MAD1L1: variants seen among roughly 807,000 people sequenced by gnomAD.
MAD1L1 encodes the protein mitotic spindle assembly checkpoint protein MAD1.
MAD1L1 carries 95 observed loss-of-function variants against 96.9 expected under a neutral mutation model. The ratio of observed to expected loss-of-function variants is 0.98; its 90% CI spans 0.83 to 1.16. MAD1L1 has a LOEUF of 1.16. Ranked by LOEUF, MAD1L1 falls within the 50% of genes most tolerant of loss-of-function variation. MAD1L1 has a pLI of 0.00. For missense variants in MAD1L1, 1,007 were observed against 954.4 expected, an observed-to-expected ratio of 1.06 and a Z score of -0.73; for synonymous variants, 473 against 396.6, an observed-to-expected ratio of 1.19 and a Z score of -2.29.
chr7:2,084,801 C>T (rs1421337767), intron 11 of MAD1L1, among the ~76,000 whole-genome samples: 2 of 152,166 alleles, frequency 1.3e-5, no homozygotes, highest in South Asian at 2.1e-4. Context: ...AGGAAGGAGC[C>T]GTGACAAATA....
intron 11 of MAD1L1, among the ~76,000 whole-genome samples, chr7:2,131,711 G>A (rs780137612): frequency 4.6e-5 from 7 of 152,096 alleles, no homozygotes; most frequent in Admixed American, 1.3e-4. Context: ...AGGCCCACAC[G>A]CCTCCCCAGG....
intron 12 of MAD1L1, among the ~76,000 whole-genome samples, chr7:2,019,460 T>C (rs1464621227): frequency 6.6e-6 from 1 of 152,180 alleles, no homozygotes; most frequent in East Asian, 1.9e-4. Context: ...CTGTGCACCC[T>C]TGGGCAAGGG....
intron 14 of MAD1L1, among the ~76,000 whole-genome samples, chr7:1,995,989 CCAGA>C (rs1464595165): frequency 2.0e-5 from 3 of 152,230 alleles, no homozygotes; most frequent in Non-Finnish European, 2.9e-5. Context: ...CTGGATGTGA[CCAGA>C]CAGATTCCGG....
chr7:2,161,811 G>GTGTATCCAACAGCTCAT (rs1790149609), intron 10 of MAD1L1, among the ~76,000 whole-genome samples: 1 of 151,996 alleles, frequency 6.6e-6, no homozygotes. Flanking sequence ...CGTCTGGGAG[G>GTGTATCCAACAGCTCAT]TGAGGAGCAT....
chr7:1,841,612 G>A (rs1372463583), intron 18 of MAD1L1, among the ~76,000 whole-genome samples: 2 of 152,216 alleles, frequency 1.3e-5, no homozygotes, highest in Non-Finnish European at 2.9e-5. Flanking sequence ...GTGGCCGGGC[G>A]CCTGCCTGAA....
chr7:2,182,480 CAA>C (rs1268128012), intron 10 of MAD1L1, among the ~76,000 whole-genome samples: 1 of 151,810 alleles, frequency 6.6e-6, no homozygotes, highest in African/African-American at 2.4e-5. Context: ...TGTTTCCACT[CAA>C]GAGAAGTGAA....
At chr7:1,929,353 A>C (rs1488562110) in intron 17 of MAD1L1, among the ~76,000 whole-genome samples, 1 of 152,208 alleles carries the variant, frequency 6.6e-6, no homozygotes, top group Non-Finnish European at 1.5e-5. Context: ...ATATTAATGC[A>C]TTCCCTAATT....
rs911429599 is a variant in MAD1L1, at chr7:1,864,136, C to T, written c.1998+34064G>A. On this transcript the variant is annotated intron_variant, in intron 18 of 18. Transcript: ENST00000265854. ...CGGGGCGGCCCTGCGGAGGAATTCC[C>T]GCAGCCCGGTGGGACTTGCAGAGGA... Among the ~76,000 whole-genome samples the T allele has an allele frequency of 3.3e-5, 5 of 152,186 alleles. No homozygotes were observed. In the East Asian group the frequency reaches 5.8e-4, roughly 18 times the overall value.
chr7:1,901,571 C>T (rs1009144445), intron 17 of MAD1L1, among the ~76,000 whole-genome samples: 5 of 152,244 alleles, frequency 3.3e-5, no homozygotes, highest in African/African-American at 9.6e-5. Flanking sequence ...CAGCCTTCAG[C>T]GCTCCCATCC....
intron 12 of MAD1L1, among the ~76,000 whole-genome samples, chr7:2,046,127 C>G (rs1200347269): frequency 6.6e-6 from 1 of 152,166 alleles, no homozygotes; most frequent in Non-Finnish European, 1.5e-5. Flanking sequence ...GCAATCAGTG[C>G]CTCTCCTGGG....
chr7:2,098,735 C>A (rs1562685215), intron 11 of MAD1L1, among the ~76,000 whole-genome samples: 1 of 136,744 alleles, frequency 7.3e-6, no homozygotes, highest in East Asian at 2.2e-4. Flanking sequence ...CGATAGCTGC[C>A]CGGCATGAGC....
rs534905284 is a variant in MAD1L1, at chr7:2,106,334, A to G, written c.1074-36996T>C. Reference sequence around the variant, plus strand: ...TGGTCACTCACACTCCCCACTTCCCAGGCCCGGCCCCACCCTGCCCTTCCT... The same window carrying G: ...TGGTCACTCACACTCCCCACTTCCCGGGCCCGGCCCCACCCTGCCCTTCCT... On this transcript the variant is annotated intron_variant, in intron 11 of 18. Coordinates refer to ENST00000265854, the MANE Select transcript of MAD1L1 (RefSeq NM_001013836.2). 2.0e-5 allele frequency among the ~76,000 whole-genome samples: 3 copies of G among 151,018 alleles called. No homozygotes were observed. In the East Asian group the frequency reaches 5.9e-4, roughly 30 times the overall value.
At chr7:1,960,110 G>A (rs1202970406) in intron 15 of MAD1L1, among the ~76,000 whole-genome samples, 2 of 152,072 alleles carry the variant, frequency 1.3e-5, no homozygotes, top group Non-Finnish European at 2.9e-5. Context: ...TCACTTGAAG[G>A]TAGGCTGTGG....
intron 1 of MAD1L1, among the ~76,000 whole-genome samples, chr7:2,232,079 A>G (rs1476326771): frequency 6.6e-6 from 1 of 152,230 alleles, no homozygotes; most frequent in Non-Finnish European, 1.5e-5. Context: ...GGAAGGCTGA[A>G]GACAAACCGC....
chr7:1,826,434 C>T (rs1009613778), intron 18 of MAD1L1, among the ~76,000 whole-genome samples: 6 of 152,166 alleles, frequency 3.9e-5, no homozygotes, highest in South Asian at 2.1e-4. Flanking sequence ...TGCCCATGGC[C>T]GGCCCAGCCC....
At chr7:1,825,350 G>A (rs111376532) in intron 18 of MAD1L1, among the ~76,000 whole-genome samples, 3,901 of 152,290 alleles carry the variant, frequency 0.026, 111 homozygotes, top group Admixed American at 0.072. Flanking sequence ...AGATGTCCTG[G>A]GCCTGGGGTG....
intron 16 of MAD1L1, among the ~76,000 whole-genome samples, chr7:1,941,267 G>A (rs911578249): frequency 1.3e-5 from 2 of 152,150 alleles, no homozygotes; most frequent in Non-Finnish European, 2.9e-5. Flanking sequence ...GGGCAGGAAC[G>A]AGAGCCAGAG....
In MAD1L1 at chr7:1,884,252, C is replaced by T. The variant is rs181571721; in HGVS notation, c.1998+13948G>A. ...GGCTGAAGAGACGTGGCCACCCACC[C>T]TCACACCTGGGCGCCCAAGAGCATG... is the stretch of plus-strand genomic sequence containing the variant. On this transcript the variant is annotated intron_variant, in intron 18 of 18. Coordinates refer to ENST00000265854, the MANE Select transcript of MAD1L1 (RefSeq NM_001013836.2). 3.9e-3 allele frequency among the ~76,000 whole-genome samples: 596 copies of T among 152,348 alleles called. 2 individuals carry two copies. The highest frequency in any genetic ancestry group is 6.0e-3 in the Non-Finnish European group (405 of 68,028).
intron 10 of MAD1L1, among the ~76,000 whole-genome samples, chr7:2,167,069 C>T (rs1790463354): frequency 6.6e-6 from 1 of 152,218 alleles, no homozygotes; most frequent in African/African-American, 2.4e-5. Context: ...CCTAAAGCAA[C>T]CCCGCTGTGG....
Sources: gnomAD v4.1 joint callset for allele counts (sites outside exome capture counted in the v4.1 genomes callset) on GRCh38, gnomAD v4.1.1 for gene constraint, MANE v1.5 for transcripts, NCBI Gene and HGNC (gene_info 2026-07-23, HGNC 2026-07-21) for gene names.